PRSS35: variants seen among roughly 807,000 people sequenced by gnomAD.
PRSS35 encodes inactive serine protease 35.
In PRSS35, 7 loss-of-function variants were observed where a neutral mutation model predicts 8.1. That is an observed-to-expected ratio of 0.86 (90% CI 0.49 to 1.62). PRSS35 has a LOEUF of 1.62. Ranked by LOEUF, PRSS35 falls within the 40% of genes most tolerant of loss-of-function variation. The probability of loss-of-function intolerance (pLI) is 0.00; values close to 1 mark genes in which losing one functional copy is unlikely to be tolerated. For missense variants in PRSS35, 566 were observed against 518.0 expected (o/e 1.09, Z -0.90); for synonymous variants, 199 against 188.7 (o/e 1.05, Z -0.45).
intron 1 of PRSS35, among the ~76,000 whole-genome samples, chr6:83,513,808 T>C (rs1331486593): frequency 6.6e-6 from 1 of 152,254 alleles, no homozygotes; most frequent in African/African-American, 2.4e-5. Flanking sequence ...AGCATATACT[T>C]GGCATACAGT....
intron 1 of PRSS35, among the ~76,000 whole-genome samples, chr6:83,521,757 C>T (rs1464456705): frequency 6.6e-6 from 1 of 152,058 alleles, no homozygotes; most frequent in Non-Finnish European, 1.5e-5. Context: ...CGATCTTAGC[C>T]TCCCAAAGTG....
intron 1 of PRSS35, among the ~76,000 whole-genome samples, chr6:83,518,560 C>G (rs1055363359): frequency 6.6e-6 from 1 of 151,948 alleles, no homozygotes; most frequent in Non-Finnish European, 1.5e-5. Context: ...ATTAGGAAAG[C>G]ATTCATTTGG....
chr6:83,524,550 A>G lies in PRSS35; in HGVS notation c.1109A>G (p.Tyr370Cys), dbSNP rs1771900219. 6.2e-7 allele frequency: 1 copy of G among 1,614,194 alleles called. No homozygotes were observed. ...KNWKRKIIAV[Y>C]SGHQWVDVHG... ...TGGAAGCGCAAAATCATTGCGGTCTACTCAGGGCACCAGTGGGTGGATGTC... is the reference window on the plus strand; with the variant it reads ...TGGAAGCGCAAAATCATTGCGGTCTGCTCAGGGCACCAGTGGGTGGATGTC... The change falls in exon 2 of 2, where the codon TAC becomes TGC. Residue 370 changes from tyrosine to cysteine, a missense_variant. Coordinates refer to ENST00000369700, the MANE Select transcript of PRSS35 (RefSeq NM_153362.3).
chr6:83,521,976 C>G (rs1263921531), intron 1 of PRSS35, among the ~76,000 whole-genome samples: 3 of 152,050 alleles, frequency 2.0e-5, no homozygotes, highest in Non-Finnish European at 4.4e-5. Context: ...TCTGTTGTAT[C>G]AAGGGATACC....
At chr6:83,516,099 G>C (rs1270600803) in intron 1 of PRSS35, among the ~76,000 whole-genome samples, 1 of 151,920 alleles carries the variant, frequency 6.6e-6, no homozygotes, top group Non-Finnish European at 1.5e-5. Flanking sequence ...ACAGGTGTGA[G>C]CCACAGCCTC....
Position 83,523,956 on chromosome 6 carries a change from A to C in PRSS35, c.515A>C (p.His172Pro). Residue 172 changes from histidine (H) to proline (P), a missense_variant, in exon 2 of 2, where the codon CAT becomes CCT. Coordinates refer to ENST00000369700, the MANE Select transcript of PRSS35 (RefSeq NM_153362.3). ...GTTCTAACTGCTGCCCACTGTGTTC[A>C]TGATGGAAAGGACTATGTCAAAGGG... ...QHVLTAAHCVHDGKDYVKGSK... is the reference protein window; with the variant it reads ...QHVLTAAHCVPDGKDYVKGSK... The C allele has an allele frequency of 6.2e-7, 1 of 1,614,174 alleles. No homozygotes were observed. Among genetic ancestry groups the C allele is most frequent in the Non-Finnish European group, 8.5e-7 (1 of 1,180,032 alleles).
chr6:83,524,642 C>T lies in PRSS35; in HGVS notation c.1201C>T (p.Leu401Phe), dbSNP rs1020187738. 14 of 1,613,244 alleles carry T rather than the reference C, an allele frequency of 8.7e-6. No homozygotes were observed. The Admixed American group carries it at 1.5e-4, about 17-fold the overall frequency. ...ITPLKYAQIC[L>F]WIHGNDANCA... ...TCCCCTAAAATACGCCCAGATTTGC[C>T]TCTGGATTCACGGGAACGATGCCAA... The change falls in exon 2 of 2, where the codon CTC (leucine) becomes TTC (phenylalanine). Residue 401 changes from leucine to phenylalanine, a missense_variant. Coordinates refer to ENST00000369700, the MANE Select transcript of PRSS35 (RefSeq NM_153362.3).
At chr6:83,519,732 A>G (rs1771787716) in intron 1 of PRSS35, among the ~76,000 whole-genome samples, 1 of 152,228 alleles carries the variant, frequency 6.6e-6, no homozygotes, top group Non-Finnish European at 1.5e-5. Context: ...CTGAGGTCAT[A>G]TTACAAAGCT....
rs1461826916 is a variant in PRSS35 at position 83,524,633 on chromosome 6, C to G, written c.1192C>G (p.Gln398Glu). 6.2e-7 allele frequency: 1 copy of G among 1,613,662 alleles called. No homozygotes were observed. Residue 398 changes from glutamine (Q) to glutamate (E), a missense_variant, in exon 2 of 2, where the codon CAG (glutamine) becomes GAG (glutamate). By Grantham distance (29) the Gln-to-Glu change is conservative. Transcript: ENST00000369700. ...AVRITPLKYA[Q>E]ICLWIHGNDA... ...TCGCATCACTCCCCTAAAATACGCC[C>G]AGATTTGCCTCTGGATTCACGGGAA...
chr6:83,517,970 A>G (rs963888792), intron 1 of PRSS35, among the ~76,000 whole-genome samples: 1 of 152,236 alleles, frequency 6.6e-6, no homozygotes, highest in Non-Finnish European at 1.5e-5. Flanking sequence ...TGCTATGTAC[A>G]TAAATATGGA....
chr6:83,524,350 T>G lies in PRSS35; in HGVS notation c.909T>G (p.Pro303=). 1 of 1,614,188 alleles carries G rather than the reference T, an allele frequency of 6.2e-7. No individual in the cohort carries two copies. The highest frequency in any genetic ancestry group is 1.1e-5 in the South Asian group (1 of 91,078). Residue 303 remains proline, a synonymous_variant, in exon 2 of 2, where the codon CCT becomes CCG. Coordinates refer to ENST00000369700, the MANE Select transcript of PRSS35 (RefSeq NM_153362.3). Reference sequence around the variant, plus strand: ...TCAGCCCAACGATCAAGAAAATGCCTGGTGGAATGATCCACTTCTCAGGAT... The same window carrying G: ...TCAGCCCAACGATCAAGAAAATGCCGGGTGGAATGATCCACTTCTCAGGAT... ...LGISPTIKKM[P]GGMIHFSGFD... is the part of the protein sequence containing the mutation.
chr6:83,518,701 A>T (rs1771767628), intron 1 of PRSS35, among the ~76,000 whole-genome samples: 1 of 152,208 alleles, frequency 6.6e-6, no homozygotes, highest in African/African-American at 2.4e-5. Flanking sequence ...AAACTACAAG[A>T]TCTCTAATTT....
At chr6:83,512,891 A>G (rs1771650519) in intron 1 of PRSS35, among the ~76,000 whole-genome samples, 197 bp downstream of exon 1, 1 of 152,196 alleles carries the variant, frequency 6.6e-6, no homozygotes, top group Non-Finnish European at 1.5e-5. Context: ...ACAGTTTAAT[A>G]TTAACGACAA....
chr6:83,520,086 A>C (rs1197756860), intron 1 of PRSS35, among the ~76,000 whole-genome samples: 1 of 152,240 alleles, frequency 6.6e-6, no homozygotes, highest in Non-Finnish European at 1.5e-5. Flanking sequence ...AATTAAAAAT[A>C]AAAATAAAAG....
chr6:83,516,097 G>C lies in PRSS35; in HGVS notation c.-21+3403G>C, dbSNP rs547127764. ...CCCAAACTGCTGGGATTACAGGTGTGAGCCACAGCCTCCGCCACTCCCTAC... is the reference window on the plus strand; with the variant it reads ...CCCAAACTGCTGGGATTACAGGTGTCAGCCACAGCCTCCGCCACTCCCTAC... On this transcript the variant is annotated intron_variant, in intron 1 of 1. Transcript: ENST00000369700. Among the ~76,000 whole-genome samples, 12 of 152,002 alleles carry C rather than the reference G, an allele frequency of 7.9e-5. No individual in the cohort carries two copies. The East Asian group carries it at 9.8e-4, about 12-fold the overall frequency.
rs1244693999 is a variant in PRSS35, at chr6:83,524,533, C to G, written c.1092C>G (p.Arg364=). The change falls in exon 2 of 2, where the codon CGC becomes CGG. Residue 364 remains arginine (R), a synonymous_variant. Transcript: ENST00000369700. Reference sequence around the variant, plus strand: ...ATCCAGACAAAAAGAATTGGAAGCGCAAAATCATTGCGGTCTACTCAGGGC... The same window carrying G: ...ATCCAGACAAAAAGAATTGGAAGCGGAAAATCATTGCGGTCTACTCAGGGC... The part of the protein sequence containing the change: ...LKDPDKKNWK[R]KIIAVYSGHQ... 1 of 1,614,174 alleles carries G rather than the reference C, an allele frequency of 6.2e-7. No homozygotes were observed. Among genetic ancestry groups the G allele is most frequent in the Non-Finnish European group, 8.5e-7 (1 of 1,180,042 alleles).
chr6:83,520,450 G>A (rs1467022555), intron 1 of PRSS35, among the ~76,000 whole-genome samples: 1 of 152,168 alleles, frequency 6.6e-6, no homozygotes, highest in Non-Finnish European at 1.5e-5. Context: ...AAGTTTCCAG[G>A]TAATGCTGAA....
rs1364206242 is a variant in PRSS35 at position 83,525,215 on chromosome 6, G to A, written c.*532G>A. The A allele has an allele frequency of 6.0e-6, 1 of 167,000 alleles. No individual in the cohort carries two copies. Among genetic ancestry groups the A allele is most frequent in the Non-Finnish European group, 1.5e-5 (1 of 68,218 alleles). The allele number at this position is 167,000 out of a possible 1,614,324, so 10.3% of individuals were successfully genotyped here. A position where few individuals can be genotyped will look rare whatever the true frequency, so the allele number is the denominator to read the frequency against. On this transcript the variant is annotated 3_prime_UTR_variant, in exon 2 of 2. Coordinates refer to ENST00000369700, the MANE Select transcript of PRSS35 (RefSeq NM_153362.3). ...TATATTGTGTTATCTGTTGGGTCTGGGACATTTAGTTTAGTTTTTTTGAAG... is the reference window on the plus strand; with the variant it reads ...TATATTGTGTTATCTGTTGGGTCTGAGACATTTAGTTTAGTTTTTTTGAAG...
At chr6:83,519,710 AT>A (rs932204250) in intron 1 of PRSS35, among the ~76,000 whole-genome samples, 5 of 152,320 alleles carry the variant, frequency 3.3e-5, no homozygotes, top group African/African-American at 9.6e-5. Context: ...ATGTCCTCTT[AT>A]TACTGTGATT....
Sources: allele counts gnomAD v4.1 joint callset (sites outside exome capture counted in the v4.1 genomes callset), GRCh38; gene constraint gnomAD v4.1.1; transcripts MANE v1.5; gene names NCBI Gene and HGNC (gene_info 2026-07-23, HGNC 2026-07-21).